ABCB7: variants seen among roughly 807,000 people sequenced by gnomAD.
ABCB7 encodes the protein ATP binding cassette subfamily B member 7.
Under a neutral mutation model 54.4 loss-of-function variants are expected in ABCB7, and 7 were observed. The observed-to-expected ratio is 0.13, with a 90% CI of 0.07 to 0.24. The LOEUF (loss-of-function observed/expected upper bound fraction) is 0.24. Among genes scored for constraint, ABCB7 ranks in the 10% least tolerant of loss-of-function variants. ABCB7 has a pLI of 1.00. For synonymous variants in ABCB7, 218 were observed against 207.1 expected, an observed-to-expected ratio of 1.05 and a Z score of -0.45; for missense variants, 356 against 570.4, an observed-to-expected ratio of 0.62 and a Z score of 3.83.
chrX:75,126,103 T>C (rs2153814), intron 1 of ABCB7, among the ~76,000 whole-genome samples: 72,414 of 110,528 alleles, frequency 0.66, 20,800 homozygotes, highest in Non-Finnish European at 0.91. Context: ...TTTTTAAAGC[T>C]GGCTGGCTTG....
chrX:75,156,077 C>G (rs2082173502), intron 1 of ABCB7, 28 bp downstream of exon 1: 1 of 1,208,606 alleles, frequency 8.3e-7, no homozygotes, highest in South Asian at 1.8e-5. Flanking sequence ...GCCCTTCACC[C>G]TATTCTTCCA....
intron 9 of ABCB7, 113 bp from the exon 10 acceptor site, chrX:75,070,635 A>G: frequency 1.4e-6 from 1 of 740,507 alleles, no homozygotes; most frequent in Middle Eastern, 3.6e-4. Flanking sequence ...ATCAGCAACA[A>G]CTCTTATGTC....
At chrX:75,126,641 C>T (rs756443043) in intron 1 of ABCB7, among the ~76,000 whole-genome samples, 4 of 109,377 alleles carry the variant, frequency 3.7e-5, no homozygotes, top group African/African-American at 1.3e-4. Context: ...AAAAGATTAA[C>T]AAAATAGATA....
At chrX:75,097,461 A>G (rs1205843865) in intron 4 of ABCB7, 2 of 111,953 alleles carry the variant, frequency 1.8e-5, no homozygotes, top group African/African-American at 3.2e-5. Flanking sequence ...CCTACCTTTT[A>G]TTAGGGCAAT....
At chrX:75,121,003 T>C (rs1173521153) in intron 1 of ABCB7, among the ~76,000 whole-genome samples, 1 of 111,027 alleles carries the variant, frequency 9.0e-6, no homozygotes, top group African/African-American at 3.3e-5. Context: ...AAAAAGCCTA[T>C]GTAGGCTGGG....
chrX:75,069,205 A>G, intron 11 of ABCB7, 69 bp from the exon 12 acceptor site: 2 of 1,199,248 alleles, frequency 1.7e-6, no homozygotes, highest in South Asian at 1.8e-5. Flanking sequence ...TTTAAACCAC[A>G]GTAATCATTT....
At chrX:75,096,530 A>T (rs1319986957) in intron 4 of ABCB7, among the ~76,000 whole-genome samples, 2 of 111,172 alleles carry the variant, frequency 1.8e-5, no homozygotes, top group Non-Finnish European at 3.8e-5. Flanking sequence ...ATTTCCTTCT[A>T]TTTGTGTTCT....
intron 1 of ABCB7, among the ~76,000 whole-genome samples, chrX:75,125,853 C>G (rs766725388): frequency 1.8e-5 from 2 of 110,412 alleles, no homozygotes; most frequent in African/African-American, 3.3e-5. Flanking sequence ...CAATCCCCCC[C>G]CAAAAAGATA....
intron 10 of ABCB7, 100 bp downstream of exon 10, chrX:75,070,265 T>G: frequency 1.2e-6 from 1 of 850,597 alleles, no homozygotes; most frequent in Non-Finnish European, 1.7e-6. Context: ...GTAAAATAAA[T>G]TGGTTTGCTA....
intron 10 of ABCB7, 107 bp from the exon 11 acceptor site, chrX:75,069,561 G>A: frequency 1.1e-6 from 1 of 903,922 alleles, no homozygotes; most frequent in Non-Finnish European, 1.6e-6. Flanking sequence ...GGAAAAGAAG[G>A]AGGTTTATAA....
At position 75,052,466 on chromosome X, in the gene ABCB7, C is replaced by CAAAAAA. The variant is rs35020628; in HGVS notation, c.*898_*903dup. The CAAAAAA allele has an allele frequency of 1.8e-5, 1 of 55,247 alleles. No individual in the cohort carries two copies. The highest frequency in any genetic ancestry group is 5.8e-5 in the African/African-American group (1 of 17,125). 4.6% of individuals were successfully genotyped at this position (55,247 alleles called of 1,213,427 possible). A position where few individuals can be genotyped will look rare whatever the true frequency, so the allele number is the denominator to read the frequency against. ...TGGGAGAAAGAGCGAGACTCCGTCT[C>CAAAAAA]AAAAAAAAAAAAAAAAAAATTCTAA... On this transcript the variant is annotated 3_prime_UTR_variant, in exon 16 of 16. Transcript: ENST00000373394.
intron 13 of ABCB7, 137 bp from the exon 14 acceptor site, chrX:75,062,568 T>C (rs996350408): frequency 5.9e-6 from 3 of 510,738 alleles, no homozygotes; most frequent in East Asian, 3.7e-5. Flanking sequence ...TTTTACTGAG[T>C]TGTAGAGTTG....
intron 3 of ABCB7, among the ~76,000 whole-genome samples, chrX:75,106,582 A>G (rs1164910546): frequency 8.9e-6 from 1 of 112,138 alleles, no homozygotes; most frequent in Non-Finnish European, 1.9e-5. Flanking sequence ...GGAAAACAGT[A>G]TGGAGATTTC....
intron 1 of ABCB7, among the ~76,000 whole-genome samples, chrX:75,154,047 T>C: frequency 9.1e-6 from 1 of 110,049 alleles, no homozygotes; most frequent in East Asian, 2.8e-4. Flanking sequence ...GTACCTCAGG[T>C]TACCTCAGCT....
chrX:75,148,649 T>C (rs776964135), intron 1 of ABCB7, among the ~76,000 whole-genome samples: 1 of 111,333 alleles, frequency 9.0e-6, no homozygotes, highest in Non-Finnish European at 1.9e-5. Context: ...ATGACCAGTA[T>C]ACTTCTAAGA....
rs572942424 is a variant in ABCB7, at chrX:75,140,517, T to A, written c.168+15588A>T. Reference sequence around the variant, plus strand: ...GTTTGACAAATTCTTCATATTAAAATCAGTATGGGAAAAAAGAGATCTTTA... The same window carrying A: ...GTTTGACAAATTCTTCATATTAAAAACAGTATGGGAAAAAAGAGATCTTTA... On this transcript the variant is annotated intron_variant, in intron 1 of 15. Coordinates refer to ENST00000373394, the MANE Select transcript of ABCB7 (RefSeq NM_001271696.3). 1.9e-4 allele frequency among the ~76,000 whole-genome samples: 20 copies of A among 107,464 alleles called. 1 individual carries two copies. In the South Asian group the frequency reaches 7.5e-3, roughly 40 times the overall value. 93.3% of individuals were successfully genotyped at this position (107,464 alleles called of 115,157 possible).
chrX:75,143,816 G>T (rs1023356536), intron 1 of ABCB7, among the ~76,000 whole-genome samples: 2 of 110,731 alleles, frequency 1.8e-5, no homozygotes, highest in African/African-American at 6.6e-5. Flanking sequence ...CACAAAAAAA[G>T]ACTTGTCCCC....
At chrX:75,148,897 A>C (rs5937962) in intron 1 of ABCB7, among the ~76,000 whole-genome samples, 1 of 110,673 alleles carries the variant, frequency 9.0e-6, no homozygotes, top group Non-Finnish European at 1.9e-5. Flanking sequence ...ATGCACAGTT[A>C]TTAAGTCACT....
chrX:75,083,295 A>T (rs2081471050), intron 4 of ABCB7, among the ~76,000 whole-genome samples: 1 of 111,424 alleles, frequency 9.0e-6, no homozygotes, highest in South Asian at 3.8e-4. Context: ...TGTGACCTAT[A>T]AAAATGTCTC....
Sources: allele counts gnomAD v4.1 joint callset (sites outside exome capture counted in the v4.1 genomes callset), GRCh38; gene constraint gnomAD v4.1.1; transcripts MANE v1.5; gene names NCBI Gene and HGNC (gene_info 2026-07-23, HGNC 2026-07-21).